The following TTC7A variants were observed in gnomAD, a reference collection of about 807,000 sequenced individuals.
TTC7A encodes tetratricopeptide repeat protein 7A.
In TTC7A, 110 loss-of-function variants were observed where a neutral mutation model predicts 103.7. The observed-to-expected ratio is 1.06, with a 90% CI of 0.91 to 1.24. TTC7A has a LOEUF of 1.24. Ranked by LOEUF, TTC7A falls within the 50% of genes most tolerant of loss-of-function variation. The pLI is 0.00. For missense variants in TTC7A, 1,340 were observed against 1,116.3 expected (o/e 1.20, Z -2.86); for synonymous variants, 521 against 467.9 (o/e 1.11, Z -1.47).
intron 5 of TTC7A, 100 bp from the exon 6 acceptor site, chr2:46,993,348 ACT>A: frequency 9.2e-7 from 1 of 1,091,838 alleles, no homozygotes; most frequent in African/African-American, 1.6e-5. Flanking sequence ...TTCAAATAAA[ACT>A]CCAGCAGTCA....
At chr2:47,031,781 A>G (rs1680570862) in intron 15 of TTC7A, among the ~76,000 whole-genome samples, 1 of 152,222 alleles carries the variant, frequency 6.6e-6, no homozygotes, top group Non-Finnish European at 1.5e-5. Context: ...GCTTTCTGCC[A>G]GGCTAAAGCA....
intron 18 of TTC7A, among the ~76,000 whole-genome samples, chr2:47,055,634 G>A (rs373947391): frequency 2.0e-5 from 3 of 152,284 alleles, no homozygotes; most frequent in Non-Finnish European, 4.4e-5. Context: ...AGCAGGAGAC[G>A]CATGTAGGGA....
At chr2:46,933,295 G>A (rs542350618) in intron 2 of TTC7A, among the ~76,000 whole-genome samples, 2 of 152,248 alleles carry the variant, frequency 1.3e-5, no homozygotes, top group African/African-American at 4.8e-5. Context: ...CAATCATGAA[G>A]TGAGTGGCTG....
intron 15 of TTC7A, among the ~76,000 whole-genome samples, chr2:47,036,853 TA>T (rs2104638754): frequency 6.6e-6 from 1 of 152,316 alleles, no homozygotes; most frequent in Admixed American, 6.5e-5. Flanking sequence ...ACTGTCTCTT[TA>T]AAAAAGTCCT....
chr2:46,998,784 G>A (rs1454420832), intron 8 of TTC7A, among the ~76,000 whole-genome samples: 3 of 152,186 alleles, frequency 2.0e-5, no homozygotes, highest in Admixed American at 6.5e-5. Context: ...CTCAGGAGTG[G>A]CTGTGTGGTG....
chr2:47,012,757 G>A (rs1330341567), intron 11 of TTC7A, among the ~76,000 whole-genome samples: 1 of 152,118 alleles, frequency 6.6e-6, no homozygotes, highest in Non-Finnish European at 1.5e-5. Context: ...CTCTGCTCCA[G>A]GGAGTCAGTC....
chr2:46,997,451 T>C (rs916196145), intron 8 of TTC7A, among the ~76,000 whole-genome samples: 1 of 152,226 alleles, frequency 6.6e-6, no homozygotes, highest in Non-Finnish European at 1.5e-5. Context: ...AATTTTCAAT[T>C]GTTTATGACC....
At chr2:46,943,192 T>C (rs1670605572) in intron 1 of TTC7A, among the ~76,000 whole-genome samples, 1 of 152,204 alleles carries the variant, frequency 6.6e-6, no homozygotes, top group Non-Finnish European at 1.5e-5. Context: ...CATGAACCAC[T>C]GTGTCTGGCC....
chr2:46,980,056 C>T (rs77471836), intron 5 of TTC7A, among the ~76,000 whole-genome samples: 2,242 of 152,306 alleles, frequency 0.015, 56 homozygotes, highest in African/African-American at 0.051. Context: ...GCCTGGAGTT[C>T]TCTGAGGCCT....
chr2:47,072,062 G>A (rs915017780), intron 19 of TTC7A, among the ~76,000 whole-genome samples: 2 of 152,132 alleles, frequency 1.3e-5, no homozygotes, highest in Non-Finnish European at 2.9e-5. Context: ...CCTCCCTGTG[G>A]GCCGTGTTCC....
chr2:46,976,065 A>G (rs554185204), intron 4 of TTC7A, among the ~76,000 whole-genome samples: 9 of 152,016 alleles, frequency 5.9e-5, no homozygotes, highest in East Asian at 1.9e-4. Context: ...TCTTAATACT[A>G]TGCCATGAGG....
At chr2:46,934,790 T>C (rs1420923683) in intron 2 of TTC7A, among the ~76,000 whole-genome samples, 1,016 of 21,226 alleles carry the variant, frequency 0.048, 134 homozygotes, top group African/African-American at 0.08. Context: ...TACTGCTCTT[T>C]TTTTTTTTTT....
At chr2:46,968,786 CTG>C (rs1572758092) in intron 3 of TTC7A, among the ~76,000 whole-genome samples, 2 of 152,286 alleles carry the variant, frequency 1.3e-5, no homozygotes, top group Middle Eastern at 3.4e-3. Flanking sequence ...CAAATCTTAA[CTG>C]TATAATTTCA....
At chr2:47,037,212 C>A (rs932511142) in intron 15 of TTC7A, among the ~76,000 whole-genome samples, 1 of 152,128 alleles carries the variant, frequency 6.6e-6, no homozygotes, top group African/African-American at 2.4e-5. Context: ...TTTCCCAATG[C>A]GTTGGATGTC....
At chr2:47,016,297 C>T (rs920761412) in intron 11 of TTC7A, among the ~76,000 whole-genome samples, 1 of 152,196 alleles carries the variant, frequency 6.6e-6, no homozygotes, top group African/African-American at 2.4e-5. Flanking sequence ...AAATGAAACC[C>T]TCCAGAGGGT....
chr2:47,037,193 CTTG>C (rs60436696), intron 15 of TTC7A, among the ~76,000 whole-genome samples: 24,308 of 152,210 alleles, frequency 0.16, 2,194 homozygotes, highest in Non-Finnish European at 0.2. Flanking sequence ...AGATTCTGTT[CTTG>C]TTGTGTTTCC....
At chr2:47,023,513 C>T (rs933808080) in intron 13 of TTC7A, 48 bp downstream of exon 13, 6 of 1,588,712 alleles carry the variant, frequency 3.8e-6, no homozygotes, top group East Asian at 2.2e-5. Context: ...CCTTTGGTGG[C>T]AGATTCACAA....
intron 1 of TTC7A, among the ~76,000 whole-genome samples, chr2:46,945,719 C>T (rs1451077564): frequency 2.0e-5 from 3 of 148,994 alleles, no homozygotes; most frequent in Admixed American, 1.3e-4. Flanking sequence ...TGTAGTCACC[C>T]TCCCCGCCGC....
At chr2:46,969,889 A>G (rs963689662) in intron 3 of TTC7A, among the ~76,000 whole-genome samples, 2 of 152,206 alleles carry the variant, frequency 1.3e-5, no homozygotes, top group African/African-American at 4.8e-5. Flanking sequence ...AATGCAGGAA[A>G]AAGGCACATA....
Sources: allele counts gnomAD v4.1 joint callset (sites outside exome capture counted in the v4.1 genomes callset), GRCh38; gene constraint gnomAD v4.1.1; transcripts MANE v1.5; gene names NCBI Gene and HGNC (gene_info 2026-07-23, HGNC 2026-07-21).